The following CDH13 variants were observed in gnomAD, a reference collection of about 807,000 sequenced individuals.
CDH13 encodes the protein cadherin-13.
Under a neutral mutation model 63.8 loss-of-function variants are expected in CDH13, and 24 were observed. The ratio of observed to expected loss-of-function variants is 0.38; its 90% CI spans 0.27 to 0.53. CDH13 has a LOEUF of 0.53. Ranked by LOEUF, CDH13 falls within the 20% of genes least tolerant of loss-of-function variation. The pLI, the probability that CDH13 is intolerant of heterozygous loss-of-function variation, is 0.85. For missense variants in CDH13, 1,049 were observed against 903.1 expected, an observed-to-expected ratio of 1.16 and a Z score of -2.07; for synonymous variants, 503 against 355.3, an observed-to-expected ratio of 1.42 and a Z score of -4.67.
At chr16:82,768,553 C>T (rs533628301) in intron 1 of CDH13, among the ~76,000 whole-genome samples, 2 of 152,294 alleles carry the variant, frequency 1.3e-5, no homozygotes, top group African/African-American at 2.4e-5. Context: ...CTTTTTATAT[C>T]TTCAAAAATA....
At chr16:83,620,665 G>A (rs1047846729) in intron 8 of CDH13, among the ~76,000 whole-genome samples, 4 of 152,122 alleles carry the variant, frequency 2.6e-5, no homozygotes, top group East Asian at 1.9e-4. Context: ...TACTTGCACC[G>A]TCCAGCAAAG....
chr16:83,742,968 G>A (rs12447848), intron 10 of CDH13, among the ~76,000 whole-genome samples: 8 of 152,188 alleles, frequency 5.3e-5, no homozygotes, highest in Admixed American at 2.0e-4. Context: ...AGCACTTTGG[G>A]AGGCCAAAGC....
intron 10 of CDH13, among the ~76,000 whole-genome samples, chr16:83,720,046 C>A (rs1255324614): frequency 3.3e-5 from 5 of 152,106 alleles, no homozygotes; most frequent in Admixed American, 3.3e-4. Context: ...GTCTTCCTGG[C>A]GGGTTGGTGA....
chr16:83,794,944 C>A, intron 13 of CDH13, 79 bp from the exon 14 acceptor site: 1 of 1,345,058 alleles, frequency 7.4e-7, no homozygotes, highest in Non-Finnish European at 1.0e-6. Flanking sequence ...CCTTGCCTGT[C>A]ATTTTTCTGG....
At chr16:82,753,185 A>G (rs998540950) in intron 1 of CDH13, among the ~76,000 whole-genome samples, 4 of 152,216 alleles carry the variant, frequency 2.6e-5, no homozygotes, top group African/African-American at 9.6e-5. Flanking sequence ...GGAAGAAGGC[A>G]GAGAGCAGGA....
At chr16:83,149,810 C>T (rs556283609) in intron 4 of CDH13, among the ~76,000 whole-genome samples, 2 of 152,250 alleles carry the variant, frequency 1.3e-5, no homozygotes, top group African/African-American at 2.4e-5. Context: ...CTGTATTCAG[C>T]GATGTCTTGT....
chr16:83,369,518 G>A (rs75887682), intron 6 of CDH13, among the ~76,000 whole-genome samples: 192 of 152,048 alleles, frequency 1.3e-3, no homozygotes, highest in African/African-American at 4.4e-3. Flanking sequence ...TCCAAGGCTC[G>A]GGTCATCCTC....
At chr16:82,957,042 C>T (rs1171460169) in intron 2 of CDH13, among the ~76,000 whole-genome samples, 2 of 152,076 alleles carry the variant, frequency 1.3e-5, no homozygotes, top group East Asian at 1.9e-4. Context: ...CCTGGCTTCC[C>T]TCTTATTTTA....
At chr16:83,463,961 C>G (rs771166991) in intron 6 of CDH13, among the ~76,000 whole-genome samples, 1 of 152,126 alleles carries the variant, frequency 6.6e-6, no homozygotes, top group African/African-American at 2.4e-5. Context: ...GCACTAAGGA[C>G]CACCACTTTT....
intron 9 of CDH13, among the ~76,000 whole-genome samples, chr16:83,677,763 C>T (rs913420148): frequency 1.3e-5 from 2 of 152,114 alleles, no homozygotes; most frequent in African/African-American, 2.4e-5. Context: ...GTTGGAGTCT[C>T]ATTTACCAGA....
intron 1 of CDH13, among the ~76,000 whole-genome samples, chr16:82,787,146 T>C (rs182371340): frequency 1.9e-3 from 288 of 152,282 alleles, no homozygotes; most frequent in African/African-American, 6.2e-3. Context: ...CTGTTTTCCA[T>C]TGGGGCTGGT....
chr16:82,753,110 C>G (rs572551615), intron 1 of CDH13, among the ~76,000 whole-genome samples: 1 of 152,138 alleles, frequency 6.6e-6, no homozygotes, highest in Non-Finnish European at 1.5e-5. Flanking sequence ...TGACCTCTTA[C>G]AAACAGTACG....
chr16:83,325,566 A>G (rs1316019282), intron 5 of CDH13, among the ~76,000 whole-genome samples: 3 of 152,148 alleles, frequency 2.0e-5, no homozygotes, highest in Non-Finnish European at 4.4e-5. Flanking sequence ...TAGATACATG[A>G]ATGAGCATAG....
intron 11 of CDH13, among the ~76,000 whole-genome samples, chr16:83,758,361 T>C (rs1406419804): frequency 1.3e-5 from 2 of 152,140 alleles, no homozygotes; most frequent in Non-Finnish European, 1.5e-5. Context: ...AAAAATGATA[T>C]GATCATCTCA....
At chr16:83,206,780 T>G (rs2039195927) in intron 4 of CDH13, among the ~76,000 whole-genome samples, 1 of 152,230 alleles carries the variant, frequency 6.6e-6, no homozygotes, top group South Asian at 2.1e-4. Context: ...GGAATTTGAC[T>G]TGGGGGGACC....
chr16:83,789,337 C>CTTTTTTTT (rs148503283), intron 13 of CDH13, among the ~76,000 whole-genome samples: 54 of 132,236 alleles, frequency 4.1e-4, no homozygotes, highest in Non-Finnish European at 5.0e-4. Context: ...TAGTAGCTTT[C>CTTTTTTTT]TTTTTTTTTG....
At chr16:82,937,071 C>A (rs1409380096) in intron 2 of CDH13, among the ~76,000 whole-genome samples, 1 of 152,118 alleles carries the variant, frequency 6.6e-6, no homozygotes, top group Non-Finnish European at 1.5e-5. Flanking sequence ...AGGGCAACTG[C>A]AGAGCTCTCC....
At chr16:83,646,935 A>G (rs1332448011) in intron 8 of CDH13, among the ~76,000 whole-genome samples, 1 of 152,002 alleles carries the variant, frequency 6.6e-6, no homozygotes, top group Non-Finnish European at 1.5e-5. Context: ...ACATCACAGC[A>G]TCATTTACGT....
chr16:82,688,751 T>C (rs562229043), intron 1 of CDH13, among the ~76,000 whole-genome samples: 35 of 152,304 alleles, frequency 2.3e-4, no homozygotes, highest in African/African-American at 8.4e-4. Context: ...AGGAATTTGT[T>C]GTTATTGTTA....
Sources: allele counts gnomAD v4.1 joint callset (sites outside exome capture counted in the v4.1 genomes callset), GRCh38; gene constraint gnomAD v4.1.1; transcripts MANE v1.5; gene names NCBI Gene and HGNC (gene_info 2026-07-23, HGNC 2026-07-21).